The following PHACTR2 variants were observed in gnomAD, a reference collection of about 807,000 sequenced individuals.
PHACTR2 encodes the protein chromosome 6 open reading frame 56.
Under a neutral mutation model 76.0 loss-of-function variants are expected in PHACTR2, and 30 were observed. The observed-to-expected ratio is 0.39, with a 90% CI of 0.30 to 0.54. The LOEUF (loss-of-function observed/expected upper bound fraction) is 0.54, where lower values mean the gene tolerates loss of function less well. Among genes scored for constraint, PHACTR2 ranks in the 20% least tolerant of loss-of-function variants. PHACTR2 has a pLI of 0.61. For synonymous variants in PHACTR2, 292 were observed against 292.5 expected (o/e 1.00, Z 0.02); for missense variants, 696 against 781.1 (o/e 0.89, Z 1.30).
chr6:143,736,702 T>G (rs1250564611), intron 2 of PHACTR2, among the ~76,000 whole-genome samples: 1 of 150,202 alleles, frequency 6.7e-6, no homozygotes, highest in Non-Finnish European at 1.5e-5. Flanking sequence ...AGCCTCGGAG[T>G]AGCTGGGACT....
rs4896665 is a variant in PHACTR2, at chr6:143,541,907, G to A, written c.217+4700G>A. Among the ~76,000 whole-genome samples, 32,948 of 152,062 alleles carry A rather than the reference G, an allele frequency of 0.22. 3,666 individuals carry two copies. Among genetic ancestry groups the A allele is most frequent in the East Asian group, 0.28 (1,449 of 5,162 alleles). On this transcript the variant is annotated intron_variant, in intron 1 of 11. Transcript: ENST00000367584. The surrounding 1 kb of genome is among the most constrained non-coding windows in gnomAD (Gnocchi z 5.3). ...TCTTTGAGTTGATGCTTTGTGCTCC[G>A]AAAGGGTGTCTGGGTCCCAAGAGGC... is the stretch of plus-strand genomic sequence containing the variant.
Position 143,653,014 on chromosome 6 carries a change from C to G in PHACTR2, c.13+44692C>G, listed in dbSNP as rs1036369483. On this transcript the variant is annotated intron_variant, in intron 1 of 11. Transcript: ENST00000305766. The surrounding 1 kb of genome is among the most constrained non-coding windows in gnomAD (Gnocchi z 4.9). ...AGCACCAGGTGTTCCCAGCAGCGCT[C>G]TCTTTCACCCTTGCAAGCTGCAACT... 2.0e-5 allele frequency among the ~76,000 whole-genome samples: 3 copies of G among 152,226 alleles called. No homozygotes were observed. Among genetic ancestry groups the G allele is most frequent in the African/African-American group, 7.2e-5 (3 of 41,452 alleles).
In PHACTR2 at chr6:143,816,163, C is replaced by G. The variant is rs767921260; in HGVS notation, c.1923-7511C>G. On this transcript the variant is annotated intron_variant, in intron 12 of 12. Transcript: ENST00000440869. This position sits in a 1 kb window ranked among gnomAD's most constrained non-coding sequence, Gnocchi z 4.5. ...ACAAAAGGCTTCAGTATCCTTAGGGCACAGTAAATCTATTTATTCCTCCAC... is the reference window on the plus strand; with the variant it reads ...ACAAAAGGCTTCAGTATCCTTAGGGGACAGTAAATCTATTTATTCCTCCAC... 6.2e-4 allele frequency among the ~76,000 whole-genome samples: 94 copies of G among 152,160 alleles called. No homozygotes were observed. Among genetic ancestry groups the G allele is most frequent in the Admixed American group, 2.4e-3 (37 of 15,282 alleles).
intron 12 of PHACTR2, among the ~76,000 whole-genome samples, chr6:143,808,284 A>G (rs1396131579): frequency 6.6e-6 from 1 of 152,022 alleles, no homozygotes; most frequent in Non-Finnish European, 1.5e-5. Flanking sequence ...ATGTGCCACC[A>G]TACCTGGCTA....
chr6:143,817,781 T>TA (rs1413058254), intron 12 of PHACTR2, among the ~76,000 whole-genome samples: 1 of 152,204 alleles, frequency 6.6e-6, no homozygotes, highest in Non-Finnish European at 1.5e-5. Context: ...CATTCTCACT[T>TA]ACACATAGAA....
Position 143,803,314 on chromosome 6 carries a change from G to A in PHACTR2, c.1846-3743G>A, listed in dbSNP as rs778910842. Among the ~76,000 whole-genome samples the A allele has an allele frequency of 2.0e-5, 3 of 152,164 alleles. No homozygotes were observed. Among genetic ancestry groups the A allele is most frequent in the African/African-American group, 4.8e-5 (2 of 41,436 alleles). On this transcript the variant is annotated intron_variant, in intron 11 of 12. Transcript: ENST00000440869. This position sits in a 1 kb window ranked among gnomAD's most constrained non-coding sequence, Gnocchi z 4.7. ...TGTAGTTCCAGCACTTTGGGAGGCCGAAGTGGGGAGATTGCTTGAGCCTAG... is the reference window on the plus strand; with the variant it reads ...TGTAGTTCCAGCACTTTGGGAGGCCAAAGTGGGGAGATTGCTTGAGCCTAG...
In PHACTR2 at chr6:143,619,367, A is replaced by G. The variant is rs1776112910; in HGVS notation, c.13+11045A>G. ...GAGACCCATTATCGGTCTAAGAAACATATAATGAAGCCACTCAGACAAAAT... is the reference window on the plus strand; with the variant it reads ...GAGACCCATTATCGGTCTAAGAAACGTATAATGAAGCCACTCAGACAAAAT... On this transcript the variant is annotated intron_variant, in intron 1 of 11. Transcript: ENST00000305766. The surrounding 1 kb of genome is among the most constrained non-coding windows in gnomAD (Gnocchi z 4.5). 6.6e-6 allele frequency among the ~76,000 whole-genome samples: 1 copy of G among 152,238 alleles called. No homozygotes were observed. The highest frequency in any genetic ancestry group is 2.4e-5 in the African/African-American group (1 of 41,476).
rs1012296709 is a variant in PHACTR2 at position 143,803,028 on chromosome 6, A to G, written c.1846-4029A>G. ...TTCTAATTGTAAGCCAGCACACACA[A>G]CATGCAGATCTGAAGCAATTTTCCT... On this transcript the variant is annotated intron_variant, in intron 11 of 12. Coordinates refer to ENST00000440869, the MANE Select transcript of PHACTR2 (RefSeq NM_001100164.2). The surrounding 1 kb of genome is among the most constrained non-coding windows in gnomAD (Gnocchi z 4.7). Among the ~76,000 whole-genome samples the G allele has an allele frequency of 3.3e-5, 5 of 152,142 alleles. No homozygotes were observed. The highest frequency in any genetic ancestry group is 6.5e-5 in the Admixed American group (1 of 15,274).
chr6:143,727,287 A>G (rs376929687), intron 2 of PHACTR2, among the ~76,000 whole-genome samples: 1 of 147,880 alleles, frequency 6.8e-6, no homozygotes, highest in African/African-American at 2.6e-5. Context: ...ACAGGATTTT[A>G]TTCTTTTTTT....
At chr6:143,613,633 C>G (rs1423355955) in intron 1 of PHACTR2, among the ~76,000 whole-genome samples, 1 of 152,136 alleles carries the variant, frequency 6.6e-6, no homozygotes, top group Non-Finnish European at 1.5e-5. Context: ...GCTCATCTTT[C>G]CAAAGGCAGA....
chr6:143,612,080 G>A (rs1334292117), intron 1 of PHACTR2, among the ~76,000 whole-genome samples: 1 of 152,184 alleles, frequency 6.6e-6, no homozygotes. Context: ...ACTAGCCATA[G>A]TAGTTGGTTC....
Position 143,557,411 on chromosome 6 carries a change from T to C in PHACTR2, c.217+20204T>C, listed in dbSNP as rs1163767402. ...CTTCTGAGTCCAAGTTCAGGGCTGC[T>C]GCCGTAACCCCATTCGTTGCACTCC... On this transcript the variant is annotated intron_variant, in intron 1 of 11. Transcript: ENST00000367584. The surrounding 1 kb of genome is among the most constrained non-coding windows in gnomAD (Gnocchi z 5.5). 1.3e-5 allele frequency: 2 copies of C among 152,262 alleles called. No individual in the cohort carries two copies. Among genetic ancestry groups the C allele is most frequent in the African/African-American group, 4.8e-5 (2 of 41,456 alleles). 9.4% of individuals were successfully genotyped at this position (152,262 alleles called of 1,614,324 possible). A position where few individuals can be genotyped will look rare whatever the true frequency, so the allele number is the denominator to read the frequency against.
At position 143,658,073 on chromosome 6, in the gene PHACTR2, G is replaced by A. The variant is rs923967931; in HGVS notation, c.13+49751G>A. ...GGACGTTTGGCCTGTCCAGTTTGGG[G>A]CTATTATGAACAAAGCTGCTATGAA... On this transcript the variant is annotated intron_variant, in intron 1 of 11. Coordinates refer to the PHACTR2 transcript ENST00000305766. The surrounding 1 kb of genome is among the most constrained non-coding windows in gnomAD (Gnocchi z 4.1). Among the ~76,000 whole-genome samples the A allele has an allele frequency of 3.9e-5, 6 of 152,246 alleles. No individual in the cohort carries two copies. Among genetic ancestry groups the A allele is most frequent in the Middle Eastern group, 3.4e-3 (1 of 294 alleles).
rs529081706 is a variant in PHACTR2, at chr6:143,595,447, T to C, written c.217+58240T>C. 6.6e-6 allele frequency among the ~76,000 whole-genome samples: 1 copy of C among 152,358 alleles called. No individual in the cohort carries two copies. Among genetic ancestry groups the C allele is most frequent in the South Asian group, 2.1e-4 (1 of 4,830 alleles). On this transcript the variant is annotated intron_variant, in intron 1 of 11. Coordinates refer to the PHACTR2 transcript ENST00000367584. This position sits in a 1 kb window ranked among gnomAD's most constrained non-coding sequence, Gnocchi z 4.2. ...GGCAAGGCCTGGGTCATGAGAATTC[T>C]ATGGTGCTGACTGCATTTGGAGCTT...
Position 143,589,473 on chromosome 6 carries a change from G to T in PHACTR2, c.217+52266G>T, listed in dbSNP as rs1426303304. The stretch of plus-strand genomic sequence containing the variant: ...CCCAGTCATGCTTCCTGTACAGCCT[G>T]TGGAACCATGAGCCAAGGAAACCTT... On this transcript the variant is annotated intron_variant, in intron 1 of 11. Transcript: ENST00000367584. This position sits in a 1 kb window ranked among gnomAD's most constrained non-coding sequence, Gnocchi z 4.4. Among the ~76,000 whole-genome samples, 1 of 152,158 alleles carries T rather than the reference G, an allele frequency of 6.6e-6. No individual in the cohort carries two copies. Among genetic ancestry groups the T allele is most frequent in the Non-Finnish European group, 1.5e-5 (1 of 68,046 alleles).
In PHACTR2 at chr6:143,830,965, T is replaced by C. The variant is rs1776655840; in HGVS notation, c.*7276T>C. 1 of 152,238 alleles carries C rather than the reference T, an allele frequency of 6.6e-6. No individual in the cohort carries two copies. Among genetic ancestry groups the C allele is most frequent in the African/African-American group, 2.4e-5 (1 of 41,478 alleles). The allele number at this position is 152,238 out of a possible 1,614,324, so 9.4% of individuals were successfully genotyped here. A position where few individuals can be genotyped will look rare whatever the true frequency, so the allele number is the denominator to read the frequency against. On this transcript the variant is annotated 3_prime_UTR_variant, in exon 13 of 13. Transcript: ENST00000440869. ...CCTAAGTTTTTAACACCTCTTTGTATGTAAGGTCTTGAGACATGTAAGGCC... is the reference window on the plus strand; with the variant it reads ...CCTAAGTTTTTAACACCTCTTTGTACGTAAGGTCTTGAGACATGTAAGGCC...
At chr6:143,815,386 A>C (rs1419863907) in intron 12 of PHACTR2, among the ~76,000 whole-genome samples, 5 of 152,184 alleles carry the variant, frequency 3.3e-5, no homozygotes, top group Non-Finnish European at 5.9e-5. Context: ...ACTGCACTCC[A>C]GCCGTATGAC....
intron 4 of PHACTR2, among the ~76,000 whole-genome samples, chr6:143,758,122 G>A (rs917804146): frequency 1.4e-4 from 21 of 152,182 alleles, no homozygotes; most frequent in Non-Finnish European, 2.9e-5. Flanking sequence ...CTCCCTAGTA[G>A]GTCTTGTCAT....
chr6:143,555,575 A>C (rs1343711568), intron 1 of PHACTR2, among the ~76,000 whole-genome samples: 1 of 152,062 alleles, frequency 6.6e-6, no homozygotes, highest in Non-Finnish European at 1.5e-5. Context: ...ACACAGAAAT[A>C]TTTTACATTT....
Sources: allele counts gnomAD v4.1 joint callset (sites outside exome capture counted in the v4.1 genomes callset), GRCh38; gene constraint gnomAD v4.1.1; non-coding constraint Gnocchi (gnomAD v3.1); transcripts MANE v1.5; gene names NCBI Gene and HGNC (gene_info 2026-07-23, HGNC 2026-07-21).